The following ATRNL1 variants were observed in gnomAD, a reference collection of about 807,000 sequenced individuals.
ATRNL1 encodes attractin like 1.
ATRNL1 carries 95 observed loss-of-function variants against 182.7 expected under a neutral mutation model. The observed-to-expected ratio is 0.52, with a 90% CI of 0.44 to 0.62. ATRNL1 has a LOEUF of 0.62. Among genes scored for constraint, ATRNL1 ranks in the 20% least tolerant of loss-of-function variants. The pLI is 0.00. For missense variants in ATRNL1, 1,471 were observed against 1,679.5 expected (o/e 0.88, Z 2.17); for synonymous variants, 576 against 568.3 (o/e 1.01, Z -0.19).
At chr10:115,434,444 T>C (rs1846308412) in intron 21 of ATRNL1, among the ~76,000 whole-genome samples, 1 of 152,130 alleles carries the variant, frequency 6.6e-6, no homozygotes, top group African/African-American at 2.4e-5. Context: ...AACTAATTTG[T>C]ATAAGATCAC....
intron 27 of ATRNL1, among the ~76,000 whole-genome samples, chr10:115,806,536 G>A (rs1051078604): frequency 4.6e-5 from 7 of 152,022 alleles, no homozygotes; most frequent in African/African-American, 1.7e-4. Flanking sequence ...AACTGCACAG[G>A]TTTCCTTTTT....
At chr10:115,303,899 A>G (rs141479486) in intron 17 of ATRNL1, among the ~76,000 whole-genome samples, 1 of 152,204 alleles carries the variant, frequency 6.6e-6, no homozygotes. Context: ...AAATGTATTC[A>G]ATGAGATAGG....
At chr10:115,863,056 A>G (rs574578640) in intron 28 of ATRNL1, among the ~76,000 whole-genome samples, 4 of 152,346 alleles carry the variant, frequency 2.6e-5, no homozygotes, top group African/African-American at 7.2e-5. Context: ...TCAGAAACCA[A>G]CAAGACTGTT....
chr10:115,667,656 T>TTA (rs1471198902), intron 26 of ATRNL1, among the ~76,000 whole-genome samples: 1 of 151,682 alleles, frequency 6.6e-6, no homozygotes, highest in African/African-American at 2.4e-5. Flanking sequence ...CTGCATCTTT[T>TTA]TTTTTTTTCC....
At chr10:115,698,772 A>C (rs1323630228) in intron 26 of ATRNL1, among the ~76,000 whole-genome samples, 1 of 151,718 alleles carries the variant, frequency 6.6e-6, no homozygotes, top group African/African-American at 2.4e-5. Flanking sequence ...GCGAGACTCC[A>C]TCTCAAAAAA....
Position 115,375,000 on chromosome 10 carries a change from T to C in ATRNL1, c.3176-19659T>C, listed in dbSNP as rs115926448. 5.8e-3 allele frequency among the ~76,000 whole-genome samples: 877 copies of C among 151,920 alleles called. 2 individuals are homozygous for C. The highest frequency in any genetic ancestry group is 0.019 in the African/African-American group (769 of 41,530). ...CTTTTAGGTTCATTGATATAAAGTG[T>C]AGGTCAAATCCAATGTTGTTTTTTT... On this transcript the variant is annotated intron_variant, in intron 19 of 28. Transcript: ENST00000355044.
At chr10:115,594,045 A>G (rs1266565748) in intron 26 of ATRNL1, among the ~76,000 whole-genome samples, 1 of 152,050 alleles carries the variant, frequency 6.6e-6, no homozygotes, top group Non-Finnish European at 1.5e-5. Flanking sequence ...TATTTGATCT[A>G]TTTATATCAG....
chr10:115,361,162 A>G (rs1369576230), intron 19 of ATRNL1, among the ~76,000 whole-genome samples: 2 of 152,016 alleles, frequency 1.3e-5, no homozygotes, highest in African/African-American at 4.8e-5. Flanking sequence ...TAGTTCTAAC[A>G]TATATTGATA....
chr10:115,683,709 C>CCT (rs1422532625), intron 26 of ATRNL1, among the ~76,000 whole-genome samples: 4 of 151,666 alleles, frequency 2.6e-5, no homozygotes, highest in Non-Finnish European at 5.9e-5. Context: ...CTCCAAAACC[C>CCT]AGAGAGGGCA....
At chr10:115,452,661 T>C (rs1847335573) in intron 21 of ATRNL1, among the ~76,000 whole-genome samples, 1 of 152,094 alleles carries the variant, frequency 6.6e-6, no homozygotes, top group Admixed American at 6.6e-5. Flanking sequence ...AATATATCCA[T>C]CCAACACCTT....
chr10:115,545,488 T>C (rs1342486022), intron 25 of ATRNL1, among the ~76,000 whole-genome samples: 10 of 152,136 alleles, frequency 6.6e-5, no homozygotes, highest in African/African-American at 2.4e-4. Context: ...ACCCTTAAAG[T>C]GTATAACTCC....
In ATRNL1 at chr10:115,541,060, A is replaced by T. The variant is rs554136679; in HGVS notation, c.3717-8398A>T. Among the ~76,000 whole-genome samples, 474 of 152,286 alleles carry T rather than the reference A, an allele frequency of 3.1e-3. 4 individuals carry two copies. Among genetic ancestry groups the T allele is most frequent in the African/African-American group, 0.011 (442 of 41,564 alleles). On this transcript the variant is annotated intron_variant, in intron 25 of 28. Coordinates refer to ENST00000355044, the MANE Select transcript of ATRNL1 (RefSeq NM_207303.4). ...GAGGACACATAAAATACTATAACAA[A>T]ATTAGACTACAAAAAAACCTAACAC...
chr10:115,408,142 T>A lies in ATRNL1; in HGVS notation c.3269+13390T>A, dbSNP rs531421066. On this transcript the variant is annotated intron_variant, in intron 20 of 28. Coordinates refer to ENST00000355044, the MANE Select transcript of ATRNL1 (RefSeq NM_207303.4). ...CCTCAGCCTCCCGAGTAGCCGGGACTACAGGCGCCCGCCACCGCGCCCGGC... is the reference window on the plus strand; with the variant it reads ...CCTCAGCCTCCCGAGTAGCCGGGACAACAGGCGCCCGCCACCGCGCCCGGC... Among the ~76,000 whole-genome samples, 5 of 151,702 alleles carry A rather than the reference T, an allele frequency of 3.3e-5. No individual in the cohort carries two copies. In the South Asian group the frequency reaches 1.0e-3, roughly 32 times the overall value.
At chr10:115,639,411 A>T (rs1555029421) in intron 26 of ATRNL1, among the ~76,000 whole-genome samples, 1 of 152,244 alleles carries the variant, frequency 6.6e-6, no homozygotes, top group East Asian at 1.9e-4. Flanking sequence ...TCAAATGGAA[A>T]GGAAATGACA....
intron 27 of ATRNL1, among the ~76,000 whole-genome samples, chr10:115,747,507 C>G (rs552199233): frequency 1.3e-5 from 2 of 152,130 alleles, no homozygotes; most frequent in South Asian, 4.1e-4. Flanking sequence ...CTGACTTTAA[C>G]CAAGGAATAT....
intron 15 of ATRNL1, among the ~76,000 whole-genome samples, chr10:115,289,254 A>T (rs1297877733): frequency 1.3e-5 from 2 of 152,138 alleles, no homozygotes; most frequent in Non-Finnish European, 2.9e-5. Flanking sequence ...TTCCCATCAG[A>T]TCCCTCCCAC....
intron 24 of ATRNL1, among the ~76,000 whole-genome samples, chr10:115,488,017 G>A (rs1056431501): frequency 6.6e-6 from 1 of 152,128 alleles, no homozygotes; most frequent in East Asian, 1.9e-4. Flanking sequence ...TTATGCGATG[G>A]ACTAGTTTAT....
rs542560411 is a variant in ATRNL1, at chr10:115,135,941, G to A, written c.829+6406G>A. Among the ~76,000 whole-genome samples the A allele has an allele frequency of 3.1e-4, 47 of 151,660 alleles. No homozygotes were observed. In the South Asian group the frequency reaches 3.3e-3, roughly 11 times the overall value. The stretch of plus-strand genomic sequence containing the variant: ...GTGGCATGATCGCAGCTCTTGCAGC[G>A]TTGACCTTCCATGCTGAAATGATCC... On this transcript the variant is annotated intron_variant, in intron 5 of 28. Transcript: ENST00000355044.
intron 27 of ATRNL1, among the ~76,000 whole-genome samples, chr10:115,843,847 A>C (rs1555097978): frequency 6.6e-6 from 1 of 152,070 alleles, no homozygotes; most frequent in East Asian, 1.9e-4. Context: ...TACCTATTAC[A>C]GGCAATATAG....
Sources: gnomAD v4.1 joint callset for allele counts (sites outside exome capture counted in the v4.1 genomes callset) on GRCh38, gnomAD v4.1.1 for gene constraint, MANE v1.5 for transcripts, NCBI Gene and HGNC (gene_info 2026-07-23, HGNC 2026-07-21) for gene names.